Variants in MEGF11 observed in about 807,000 individuals in gnomAD.
MEGF11 encodes multiple EGF like domains 11.
MEGF11 carries 126 observed loss-of-function variants against 146.6 expected under a neutral mutation model. That is an observed-to-expected ratio of 0.86 (90% CI 0.74 to 1.00). The LOEUF is 1.00. Among genes scored for constraint, MEGF11 ranks in the 50% least tolerant of loss-of-function variants. The pLI is 0.00. For synonymous variants in MEGF11, 532 were observed against 583.4 expected, an observed-to-expected ratio of 0.91 and a Z score of 1.27; for missense variants, 1,509 against 1,521.2, an observed-to-expected ratio of 0.99 and a Z score of 0.13.
At chr15:66,068,293 G>A (rs1303993462) in intron 5 of MEGF11, among the ~76,000 whole-genome samples, 3 of 152,174 alleles carry the variant, frequency 2.0e-5, no homozygotes, top group Non-Finnish European at 4.4e-5. Flanking sequence ...TAGATACAGG[G>A]TTTCTCTGTA....
chr15:65,934,103 C>T (rs922865795), intron 10 of MEGF11, among the ~76,000 whole-genome samples: 15 of 152,136 alleles, frequency 9.9e-5, no homozygotes, highest in Admixed American at 5.9e-4. Context: ...TCTTGGAGGA[C>T]GGAATGACCA....
intron 5 of MEGF11, among the ~76,000 whole-genome samples, chr15:66,058,959 C>T (rs912363559): frequency 9.9e-5 from 15 of 152,140 alleles, no homozygotes; most frequent in African/African-American, 3.6e-4. Context: ...TCACTGGGAC[C>T]TCCCCATCCA....
chr15:66,098,435 A>ATTT (rs2140727154), intron 4 of MEGF11, among the ~76,000 whole-genome samples: 1 of 152,330 alleles, frequency 6.6e-6, no homozygotes, highest in South Asian at 2.1e-4. Context: ...AAGTTTGCAA[A>ATTT]TGGTCTTACT....
In MEGF11 at chr15:66,186,075, AG is replaced by A. The variant is rs529815852; in HGVS notation, c.-8-57665del. ...TCCTTCATAGGGTTCAGCTTCGCCT[AG>A]ACAGATGAGGACATGGAAAGGAATG... On this transcript the variant is annotated intron_variant, in intron 1 of 25. Transcript: ENST00000395614. 4.1e-3 allele frequency among the ~76,000 whole-genome samples: 626 copies of A among 152,318 alleles called. 3 individuals are homozygous for A. Among genetic ancestry groups the A allele is most frequent in the Non-Finnish European group, 5.4e-3 (364 of 68,032 alleles).
chr15:66,124,034 A>C, intron 2 of MEGF11, 34 bp from the exon 3 acceptor site: 5 of 1,543,674 alleles, frequency 3.2e-6, no homozygotes, highest in Non-Finnish European at 4.5e-6. Flanking sequence ...AGCCATGATT[A>C]GCACTTGGGA....
At chr15:66,227,441 A>G (rs1477140729) in intron 1 of MEGF11, among the ~76,000 whole-genome samples, 1 of 152,142 alleles carries the variant, frequency 6.6e-6, no homozygotes, top group East Asian at 1.9e-4. Context: ...TATTTTCCCC[A>G]TTTCACACAA....
At chr15:65,934,340 C>T (rs988898929) in intron 10 of MEGF11, among the ~76,000 whole-genome samples, 3 of 152,208 alleles carry the variant, frequency 2.0e-5, no homozygotes, top group South Asian at 2.1e-4. Flanking sequence ...CAACCTCCAC[C>T]TCCCGGGTTC....
intron 4 of MEGF11, among the ~76,000 whole-genome samples, chr15:66,100,428 A>G (rs1338473566): frequency 6.6e-6 from 1 of 152,180 alleles, no homozygotes; most frequent in Admixed American, 6.5e-5. Context: ...CCCACAGGCC[A>G]GGGTGTAAGG....
intron 24 of MEGF11, among the ~76,000 whole-genome samples, chr15:65,903,358 G>T (rs955047764): frequency 6.6e-6 from 1 of 152,202 alleles, no homozygotes. Flanking sequence ...TGTGCTAGGG[G>T]GAGAAGGGGA....
chr15:65,974,483 C>T (rs887360128), intron 7 of MEGF11, among the ~76,000 whole-genome samples: 4 of 152,110 alleles, frequency 2.6e-5, no homozygotes, highest in African/African-American at 7.2e-5. Context: ...CGAGGTGAAA[C>T]TCCATCTCTA....
Position 66,100,080 on chromosome 15 carries a change from G to T in MEGF11, c.302-5586C>A, listed in dbSNP as rs58682891. On this transcript the variant is annotated intron_variant, in intron 4 of 25. Coordinates refer to ENST00000395614, the MANE Select transcript of MEGF11 (RefSeq NM_001385028.1). Reference sequence around the variant, plus strand: ...ATGAAGCCCCAGTGGTTGCGCTTTGGGGGGGAAATGTGAGCTTGTACCCCA... The same window carrying T: ...ATGAAGCCCCAGTGGTTGCGCTTTGTGGGGGAAATGTGAGCTTGTACCCCA... Among the ~76,000 whole-genome samples the T allele has an allele frequency of 6.7e-4, 102 of 152,002 alleles. 1 individual carries two copies. Among genetic ancestry groups the T allele is most frequent in the African/African-American group, 2.2e-3 (93 of 41,538 alleles).
chr15:66,187,765 G>A (rs1016291968), intron 1 of MEGF11, among the ~76,000 whole-genome samples: 4 of 148,094 alleles, frequency 2.7e-5, no homozygotes, highest in East Asian at 1.9e-4. Flanking sequence ...TTCCATGTAC[G>A]ATTCCAGCAT....
At chr15:66,216,578 G>A (rs1345261645) in intron 1 of MEGF11, among the ~76,000 whole-genome samples, 2 of 152,122 alleles carry the variant, frequency 1.3e-5, no homozygotes, top group Non-Finnish European at 2.9e-5. Context: ...ACCTTCTCTG[G>A]CATAGCACAG....
chr15:65,992,171 T>TC (rs1399156679), intron 5 of MEGF11, among the ~76,000 whole-genome samples: 1 of 152,168 alleles, frequency 6.6e-6, no homozygotes, highest in East Asian at 1.9e-4. Context: ...CTTCCTCATC[T>TC]CTATTGCCGT....
intron 5 of MEGF11, among the ~76,000 whole-genome samples, chr15:66,054,529 G>C (rs561790962): frequency 6.6e-6 from 1 of 152,094 alleles, no homozygotes; most frequent in East Asian, 1.9e-4. Context: ...ACTCTAACTC[G>C]GTCTTTAAAA....
chr15:66,246,648 A>AT (rs2092300060), intron 1 of MEGF11, among the ~76,000 whole-genome samples: 1 of 150,490 alleles, frequency 6.6e-6, no homozygotes, highest in Admixed American at 6.6e-5. Flanking sequence ...CCACCAAAAA[A>AT]AAAAATAAAA....
chr15:66,161,388 A>T (rs1168045368), intron 1 of MEGF11, among the ~76,000 whole-genome samples: 1 of 152,062 alleles, frequency 6.6e-6, no homozygotes, highest in Non-Finnish European at 1.5e-5. Flanking sequence ...TGGTCACATA[A>T]TCTCCACTTT....
chr15:66,184,914 C>T (rs1208623580), intron 1 of MEGF11, among the ~76,000 whole-genome samples: 3 of 152,086 alleles, frequency 2.0e-5, no homozygotes, highest in Non-Finnish European at 4.4e-5. Flanking sequence ...CTTTGCTTTA[C>T]GTGTTCCTAG....
chr15:66,045,132 T>C (rs2084152380), intron 5 of MEGF11, among the ~76,000 whole-genome samples: 1 of 152,136 alleles, frequency 6.6e-6, no homozygotes, highest in South Asian at 2.1e-4. Context: ...TCATACAAAA[T>C]CTATTGTGGG....
Sources: gnomAD v4.1 joint callset for allele counts (sites outside exome capture counted in the v4.1 genomes callset) on GRCh38, gnomAD v4.1.1 for gene constraint, MANE v1.5 for transcripts, NCBI Gene and HGNC (gene_info 2026-07-23, HGNC 2026-07-21) for gene names.